Variants in FUNDC2 observed in about 807,000 individuals in gnomAD.
The protein encoded by FUNDC2 is FUN14 domain containing 2, also known as FUN14 domain-containing protein 2.
A neutral mutation model predicts 15.6 loss-of-function variants in FUNDC2; 4 were observed. The observed-to-expected ratio is 0.26, with a 90% CI of 0.13 to 0.59. The LOEUF is 0.59. Ranked by LOEUF, FUNDC2 falls within the 20% of genes least tolerant of loss-of-function variation. The pLI, the probability that FUNDC2 is intolerant of heterozygous loss-of-function variation, is 0.90. For missense variants in FUNDC2, 98 were observed against 149.7 expected (o/e 0.65, Z 1.80); for synonymous variants, 44 against 56.9 (o/e 0.77, Z 1.02).
At position 155,051,783 on chromosome X, in the gene FUNDC2, C is replaced by T. The variant is rs2073880318; in HGVS notation, c.474C>T (p.Val158=). ...AGAGCAATCAGATACCTACTGAGGTCAGGAGCAAAGCTGAGGAGGTGAGAC... is the reference window on the plus strand; with the variant it reads ...AGAGCAATCAGATACCTACTGAGGTTAGGAGCAAAGCTGAGGAGGTGAGAC... ...IRKSNQIPTE[V]RSKAEEVVSF... is the part of the protein sequence containing the mutation. The change falls in exon 4 of 5, where the codon GTC becomes GTT. Residue 158 remains valine (V), a synonymous_variant. Coordinates refer to ENST00000369498, the MANE Select transcript of FUNDC2 (RefSeq NM_023934.4). 1 of 1,209,837 alleles carries T rather than the reference C, an allele frequency of 8.3e-7. No individual in the cohort carries two copies. The highest frequency in any genetic ancestry group is 1.1e-6 in the Non-Finnish European group (1 of 894,770).
chrX:155,049,448 C>CT (rs1557290312), intron 3 of FUNDC2: 1 of 113,017 alleles, frequency 8.8e-6, no homozygotes, highest in Non-Finnish European at 1.9e-5. Context: ...GTCTGTGTGT[C>CT]TATCTCTTCT....
chrX:155,045,310 A>G (rs964358319), intron 2 of FUNDC2, among the ~76,000 whole-genome samples: 2 of 111,641 alleles, frequency 1.8e-5, no homozygotes, highest in African/African-American at 3.3e-5. Flanking sequence ...AGCTAATGCA[A>G]TTGTATTGCC....
At position 155,057,033 on chromosome X, in the gene FUNDC2, G is replaced by GCCAA. The variant is rs1569560282; in HGVS notation, c.*2363_*2364insAACC. On this transcript the variant is annotated 3_prime_UTR_variant, in exon 5 of 5. Coordinates refer to ENST00000369498, the MANE Select transcript of FUNDC2 (RefSeq NM_023934.4). Reference sequence around the variant, plus strand: ...TGGTTGAGGTCAGTATTGCAGGTTGGCCTCATCCTGCTAGTATGAGAACGG... The same window carrying GCCAA: ...TGGTTGAGGTCAGTATTGCAGGTTGGCCAACCTCATCCTGCTAGTATGAGAACGG... The GCCAA allele has an allele frequency of 1.0e-5, 1 of 97,464 alleles. No homozygotes were observed. The highest frequency in any genetic ancestry group is 4.5e-3 in the Middle Eastern group (1 of 222). The allele number at this position is 97,464 out of a possible 1,213,427, so 8.0% of individuals were successfully genotyped here. A position where few individuals can be genotyped will look rare whatever the true frequency, so the allele number is the denominator to read the frequency against.
At position 155,056,875 on chromosome X, in the gene FUNDC2, GTAAACTAC is replaced by G. The variant is rs2073901834; in HGVS notation, c.*2204_*2211del. ...GGGCAGCAAAGATTAGCAGGTGGTT[GTAAACTAC>G]CTTGAGTAGGTTGTAATAAATAGTC... On this transcript the variant is annotated 3_prime_UTR_variant, in exon 5 of 5. Coordinates refer to ENST00000369498, the MANE Select transcript of FUNDC2 (RefSeq NM_023934.4). 9.0e-6 allele frequency: 1 copy of G among 111,692 alleles called. No homozygotes were observed. Among genetic ancestry groups the G allele is most frequent in the Non-Finnish European group, 1.9e-5 (1 of 53,040 alleles). The allele number at this position is 111,692 out of a possible 1,213,427, so 9.2% of individuals were successfully genotyped here.
At chrX:155,027,184 C>A in intron 1 of FUNDC2, 113 bp downstream of exon 1, 1 of 850,155 alleles carries the variant, frequency 1.2e-6, no homozygotes, top group Non-Finnish European at 1.5e-6. Context: ...GGAGTCCAAG[C>A]GGCGCGGGGA....
intron 4 of FUNDC2, chrX:155,054,380 C>G: frequency 1.3e-6 from 1 of 748,353 alleles, no homozygotes; most frequent in Non-Finnish European, 1.6e-6. Context: ...CTTATTCTCC[C>G]CACACCAGCC....
intron 2 of FUNDC2, among the ~76,000 whole-genome samples, chrX:155,041,212 A>G (rs930613413): frequency 2.7e-5 from 3 of 111,635 alleles, no homozygotes; most frequent in Non-Finnish European, 5.7e-5. Context: ...GACATCTTCT[A>G]CTCGTAGTCT....
At chrX:155,043,392 A>G (rs1162121474) in intron 2 of FUNDC2, among the ~76,000 whole-genome samples, 5 of 111,390 alleles carry the variant, frequency 4.5e-5, no homozygotes, top group Non-Finnish European at 9.4e-5. Context: ...GGTTTCTTTT[A>G]GTTTATTTTT....
rs914845403 is a variant in FUNDC2 at position 155,026,942 on chromosome X, G to C, written c.4G>C (p.Glu2Gln). ...CTCTTCCGCTGCCGCCGTGGGAATG[G>C]AAACATCTGCCCCACGTGCCGGAAG... Reference protein sequence around the residue: METSAPRAGSQV... With the variant: MQTSAPRAGSQV... Residue 2 changes from glutamate to glutamine, a missense_variant, in exon 1 of 5, where the codon GAA becomes CAA. Glu to Gln is a conservative substitution (Grantham distance 29). Coordinates refer to ENST00000369498, the MANE Select transcript of FUNDC2 (RefSeq NM_023934.4). 8.4e-7 allele frequency: 1 copy of C among 1,193,251 alleles called. No individual in the cohort carries two copies. The highest frequency in any genetic ancestry group is 1.8e-5 in the South Asian group (1 of 55,016).
intron 3 of FUNDC2, chrX:155,049,438 G>A (rs1400531380): frequency 8.9e-6 from 1 of 112,799 alleles, no homozygotes; most frequent in African/African-American, 3.2e-5. Flanking sequence ...TGTTCTGTTG[G>A]TCTGTGTGTC....
intron 2 of FUNDC2, among the ~76,000 whole-genome samples, chrX:155,037,667 A>G (rs1557289258): frequency 9.2e-6 from 1 of 109,130 alleles, no homozygotes; most frequent in East Asian, 2.9e-4. Context: ...TATTTTTAGT[A>G]GAGTCAGGGT....
intron 2 of FUNDC2, among the ~76,000 whole-genome samples, chrX:155,042,157 A>G (rs1408576632): frequency 4.5e-4 from 37 of 81,913 alleles, no homozygotes; most frequent in African/African-American, 1.7e-3. Flanking sequence ...GTACCTTGCT[A>G]TAGTTTTCTT....
At chrX:155,050,517 A>C (rs1259734021) in intron 3 of FUNDC2, 1 of 111,916 alleles carries the variant, frequency 8.9e-6, no homozygotes, top group African/African-American at 3.3e-5. Flanking sequence ...AATGAACCAG[A>C]GCCTTCTTTT....
In FUNDC2 at chrX:155,054,771, C is replaced by G; in HGVS notation, c.*99C>G. The G allele has an allele frequency of 1.3e-6, 1 of 741,422 alleles. No individual in the cohort carries two copies. 61.1% of individuals were successfully genotyped at this position (741,422 alleles called of 1,213,427 possible). ...AGTCCCTCCTCCTCTTCTCCCATGC[C>G]TTCTTCCCTGCCATGGCAAATCTGA... On this transcript the variant is annotated 3_prime_UTR_variant, in exon 5 of 5. Coordinates refer to ENST00000369498, the MANE Select transcript of FUNDC2 (RefSeq NM_023934.4).
At chrX:155,047,086 G>A (rs1298032434) in intron 3 of FUNDC2, 1 of 239,547 alleles carries the variant, frequency 4.2e-6, no homozygotes, top group African/African-American at 2.9e-5. Flanking sequence ...TAACAAGCAA[G>A]ACTTGAAAAA....
At chrX:155,043,203 G>C (rs1484688648) in intron 2 of FUNDC2, among the ~76,000 whole-genome samples, 1 of 112,213 alleles carries the variant, frequency 8.9e-6, no homozygotes, top group East Asian at 2.8e-4. Flanking sequence ...GCCTCCTAAA[G>C]TACTGGGATT....
chrX:155,057,043 GCTAGTATGAGAACGGCTGT>G lies in FUNDC2; in HGVS notation c.*2372_*2390del, dbSNP rs2073906755. The stretch of plus-strand genomic sequence containing the variant: ...CAGTATTGCAGGTTGGCCTCATCCT[GCTAGTATGAGAACGGCTGT>G]GAGTTCTGCCCACGGTGTGAGGCCA... On this transcript the variant is annotated 3_prime_UTR_variant, in exon 5 of 5. Transcript: ENST00000369498. 1 of 96,369 alleles carries G rather than the reference GCTAGTATGAGAACGGCTGT, an allele frequency of 1.0e-5. No individual in the cohort carries two copies. Among genetic ancestry groups the G allele is most frequent in the Non-Finnish European group, 2.2e-5 (1 of 45,182 alleles). 7.9% of individuals were successfully genotyped at this position (96,369 alleles called of 1,213,427 possible).
At chrX:155,048,683 T>G (rs1422079331) in intron 3 of FUNDC2, among the ~76,000 whole-genome samples, 1 of 112,829 alleles carries the variant, frequency 8.9e-6, no homozygotes, top group African/African-American at 3.2e-5. Flanking sequence ...ATTGGAACCA[T>G]GTAGATATCT....
intron 3 of FUNDC2, chrX:155,049,283 A>T (rs997047553): frequency 2.5e-4 from 28 of 112,989 alleles, no homozygotes; most frequent in African/African-American, 8.4e-4. Flanking sequence ...GCAGTCCCCC[A>T]GTAATGCCAA....
Sources: allele counts gnomAD v4.1 joint callset (sites outside exome capture counted in the v4.1 genomes callset), GRCh38; gene constraint gnomAD v4.1.1; transcripts MANE v1.5; gene names NCBI Gene and HGNC (gene_info 2026-07-23, HGNC 2026-07-21).